LMBRD1: variants seen among roughly 807,000 people sequenced by gnomAD.
LMBRD1 encodes lysosomal cobalamin transport escort protein LMBD1.
LMBRD1 carries 64 observed loss-of-function variants against 74.8 expected under a neutral mutation model. That is an observed-to-expected ratio of 0.86 (90% CI 0.70 to 1.05). The LOEUF (loss-of-function observed/expected upper bound fraction) is 1.05. LMBRD1 is among the 50% of genes least tolerant of loss of function. LMBRD1 has a pLI of 0.00. For missense variants in LMBRD1, 652 were observed against 645.9 expected (o/e 1.01, Z -0.10); for synonymous variants, 204 against 216.3 (o/e 0.94, Z 0.50).
intron 3 of LMBRD1, among the ~76,000 whole-genome samples, chr6:69,775,528 A>G (rs1054177360): frequency 6.6e-6 from 1 of 152,240 alleles, no homozygotes; most frequent in Admixed American, 6.5e-5. Flanking sequence ...AACAGTGGAT[A>G]AAACTGCTGC....
chr6:69,750,900 C>A (rs879546433), intron 4 of LMBRD1, among the ~76,000 whole-genome samples: 6 of 152,066 alleles, frequency 3.9e-5, no homozygotes, highest in Non-Finnish European at 7.4e-5. Flanking sequence ...AATGCAAATG[C>A]TCTTGAAGTT....
chr6:69,749,258 T>C (rs1457544521), intron 5 of LMBRD1, 83 bp downstream of exon 5: 11 of 1,120,522 alleles, frequency 9.8e-6, no homozygotes, highest in Non-Finnish European at 1.4e-5. Flanking sequence ...CTTTCCTAGA[T>C]TTTTCTGAAT....
chr6:69,785,765 T>C (rs984349555), intron 2 of LMBRD1, among the ~76,000 whole-genome samples: 1 of 152,214 alleles, frequency 6.6e-6, no homozygotes, highest in Non-Finnish European at 1.5e-5. Context: ...CTAAACTTAT[T>C]AATATGACTT....
At chr6:69,739,099 T>C (rs1255325040) in intron 6 of LMBRD1, among the ~76,000 whole-genome samples, 10 of 152,156 alleles carry the variant, frequency 6.6e-5, no homozygotes, top group African/African-American at 2.2e-4. Context: ...AGAAGGTGTT[T>C]ATACAACTAG....
intron 7 of LMBRD1, among the ~76,000 whole-genome samples, chr6:69,737,440 A>G (rs924353356): frequency 1.3e-5 from 2 of 151,968 alleles, no homozygotes; most frequent in African/African-American, 4.8e-5. Flanking sequence ...ATAAAAGAGA[A>G]GTATCAAGTT....
At chr6:69,749,470 T>C in intron 4 of LMBRD1, 62 bp from the exon 5 acceptor site, 2 of 1,296,130 alleles carry the variant, frequency 1.5e-6, no homozygotes, top group South Asian at 1.2e-5. Flanking sequence ...AAAATATTCT[T>C]GCAACACTTT....
chr6:69,763,383 T>G (rs1429200747), intron 3 of LMBRD1, among the ~76,000 whole-genome samples: 2 of 152,052 alleles, frequency 1.3e-5, no homozygotes, highest in African/African-American at 4.8e-5. Flanking sequence ...AGTGAAGATA[T>G]GAACCAAGAA....
At chr6:69,728,314 C>T (rs560798185) in intron 7 of LMBRD1, among the ~76,000 whole-genome samples, 2 of 152,246 alleles carry the variant, frequency 1.3e-5, no homozygotes, top group South Asian at 2.1e-4. Flanking sequence ...GCCACACCGC[C>T]GACACTCGGG....
intron 14 of LMBRD1, among the ~76,000 whole-genome samples, chr6:69,689,086 A>C (rs1765826044): frequency 6.6e-6 from 1 of 152,078 alleles, no homozygotes; most frequent in African/African-American, 2.4e-5. Flanking sequence ...AGGAGACAGA[A>C]AAGGAATAGG....
In LMBRD1 at chr6:69,701,520, C is replaced by T; in HGVS notation, c.1006G>A (p.Gly336Arg). 6.2e-7 allele frequency: 1 copy of T among 1,604,348 alleles called. No homozygotes were observed. Among genetic ancestry groups the T allele is most frequent in the Non-Finnish European group, 8.5e-7 (1 of 1,173,096 alleles). The change falls in exon 11 of 16, where the codon GGA becomes AGA. Residue 336 changes from glycine to arginine, a missense_variant. Gly to Arg is a moderately radical substitution (Grantham distance 125). Coordinates refer to ENST00000649934, the MANE Select transcript of LMBRD1 (RefSeq NM_018368.4). ...AAAATTATGAAACCAGAATCTATTC[C>T]AGCTGAATGAAGAGCTTTATCTAAA... ...SNLDKALHSAGIDSGFIIFGA... is the reference protein window; with the variant it reads ...SNLDKALHSARIDSGFIIFGA...
intron 5 of LMBRD1, chr6:69,746,947 C>T (rs1453358815): frequency 6.6e-6 from 1 of 151,752 alleles, no homozygotes; most frequent in Non-Finnish European, 1.5e-5. Context: ...CCTTACCACA[C>T]TGAGAATCTC....
At chr6:69,705,330 T>C (rs1766229105) in intron 9 of LMBRD1, 2 of 762,106 alleles carry the variant, frequency 2.6e-6, no homozygotes, top group Non-Finnish European at 2.4e-6. Flanking sequence ...AATAGCCTCC[T>C]GGTCAGTCAT....
chr6:69,782,476 G>C (rs764545967), intron 2 of LMBRD1, among the ~76,000 whole-genome samples: 2 of 152,192 alleles, frequency 1.3e-5, no homozygotes, highest in Non-Finnish European at 2.9e-5. Context: ...GCTTACATCT[G>C]TAATCCCAGC....
chr6:69,741,549 C>T (rs1767101498), intron 6 of LMBRD1, among the ~76,000 whole-genome samples: 1 of 152,124 alleles, frequency 6.6e-6, no homozygotes, highest in African/African-American at 2.4e-5. Context: ...CTGCACCCAG[C>T]TAATTTTTGT....
chr6:69,730,598 G>A (rs1238729209), intron 7 of LMBRD1, among the ~76,000 whole-genome samples: 3 of 152,070 alleles, frequency 2.0e-5, no homozygotes, highest in Non-Finnish European at 2.9e-5. Context: ...GTCACAGCAA[G>A]TTACATTACA....
intron 3 of LMBRD1, among the ~76,000 whole-genome samples, chr6:69,778,860 T>C (rs1014946114): frequency 6.6e-6 from 1 of 152,068 alleles, no homozygotes; most frequent in Non-Finnish European, 1.5e-5. Context: ...GATTTTAGAT[T>C]AGGATAAAGG....
chr6:69,685,786 C>T (rs76084134), intron 14 of LMBRD1, among the ~76,000 whole-genome samples: 78 of 152,094 alleles, frequency 5.1e-4, no homozygotes, highest in Middle Eastern at 6.8e-3. Flanking sequence ...GGGTGACAAG[C>T]GAGGCTCCGT....
At chr6:69,768,375 G>A (rs1765511427) in intron 3 of LMBRD1, among the ~76,000 whole-genome samples, 1 of 151,522 alleles carries the variant, frequency 6.6e-6, no homozygotes, top group African/African-American at 2.4e-5. Flanking sequence ...TTTCTTAGTG[G>A]TTGCTATAGG....
intron 3 of LMBRD1, among the ~76,000 whole-genome samples, chr6:69,774,306 T>G (rs1304906148): frequency 2.6e-5 from 4 of 152,234 alleles, no homozygotes; most frequent in African/African-American, 9.6e-5. Context: ...CATGTGGAAC[T>G]GTGAGCCCAT....
Sources: allele counts gnomAD v4.1 joint callset (sites outside exome capture counted in the v4.1 genomes callset), GRCh38; gene constraint gnomAD v4.1.1; transcripts MANE v1.5; gene names NCBI Gene and HGNC (gene_info 2026-07-23, HGNC 2026-07-21).